Variants in PTPRZ1 observed in about 807,000 individuals in gnomAD.
PTPRZ1 encodes the protein protein tyrosine phosphatase receptor type Z1, also known as receptor-type tyrosine-protein phosphatase zeta.
Under a neutral mutation model 214.1 loss-of-function variants are expected in PTPRZ1, and 82 were observed. The ratio of observed to expected loss-of-function variants is 0.38; its 90% CI spans 0.32 to 0.46. PTPRZ1 has a LOEUF of 0.46. Among genes scored for constraint, PTPRZ1 ranks in the 20% least tolerant of loss-of-function variants. The pLI, the probability that PTPRZ1 is intolerant of heterozygous loss-of-function variation, is 1.00. For synonymous variants in PTPRZ1, 945 were observed against 987.9 expected, an observed-to-expected ratio of 0.96 and a Z score of 0.81; for missense variants, 2,603 against 2,748.7, an observed-to-expected ratio of 0.95 and a Z score of 1.19.
intron 3 of PTPRZ1, among the ~76,000 whole-genome samples, chr7:121,968,633 T>C (rs1563042395): frequency 7.4e-6 from 1 of 134,332 alleles, no homozygotes; most frequent in African/African-American, 2.5e-5. Context: ...ATTGAGCCTA[T>C]CTTTTTTTTT....
At chr7:121,882,874 A>T (rs771547254) in intron 1 of PTPRZ1, among the ~76,000 whole-genome samples, 3 of 152,180 alleles carry the variant, frequency 2.0e-5, no homozygotes, top group Non-Finnish European at 2.9e-5. Context: ...ATCTCACTTG[A>T]TATGAATGTA....
At chr7:121,906,220 T>C (rs1481657247) in intron 1 of PTPRZ1, among the ~76,000 whole-genome samples, 1 of 152,188 alleles carries the variant, frequency 6.6e-6, no homozygotes, top group Admixed American at 6.6e-5. Context: ...GGATCTCTGG[T>C]TGACTAAAGA....
chr7:121,876,987 G>A (rs991515998), intron 1 of PTPRZ1, among the ~76,000 whole-genome samples: 6 of 152,042 alleles, frequency 3.9e-5, no homozygotes, highest in South Asian at 4.1e-4. Context: ...TTTGCTGACC[G>A]TTCAGACTGT....
chr7:122,044,321 G>A, intron 22 of PTPRZ1, 101 bp from the exon 23 acceptor site: 1 of 1,406,710 alleles, frequency 7.1e-7, no homozygotes, highest in South Asian at 1.3e-5. Flanking sequence ...CCCCCATTCT[G>A]TAAAACTCTC....
intron 2 of PTPRZ1, among the ~76,000 whole-genome samples, chr7:121,938,177 T>TAAC (rs755054781): frequency 1.3e-5 from 2 of 152,014 alleles, no homozygotes; most frequent in African/African-American, 2.4e-5. Flanking sequence ...ATAAATGTAA[T>TAAC]AACAACAACA....
At chr7:121,917,628 T>C (rs1390111202) in intron 1 of PTPRZ1, among the ~76,000 whole-genome samples, 3 of 152,148 alleles carry the variant, frequency 2.0e-5, no homozygotes, top group African/African-American at 4.8e-5. Flanking sequence ...TTCAAAATGG[T>C]TTTACACATG....
At chr7:122,059,650 G>A (rs1325893448) in intron 28 of PTPRZ1, 103 bp from the exon 29 acceptor site, 1 of 1,307,328 alleles carries the variant, frequency 7.6e-7, no homozygotes, top group African/African-American at 1.5e-5. Context: ...AAGTTTCAGT[G>A]TTTTCACTGC....
At chr7:121,920,919 CCAAA>C (rs1480073156) in intron 1 of PTPRZ1, among the ~76,000 whole-genome samples, 9 of 151,892 alleles carry the variant, frequency 5.9e-5, no homozygotes, top group Non-Finnish European at 1.3e-4. Context: ...AAATAGGTTA[CCAAA>C]CAGTGTCATT....
chr7:121,928,206 G>A lies in PTPRZ1; in HGVS notation c.109G>A (p.Gly37Ser), dbSNP rs1417963482. Residue 37 changes from glycine (G) to serine (S), a missense_variant, in exon 2 of 30, where the codon GGC (glycine) becomes AGC (serine). By Grantham distance (56) the Gly-to-Ser change is moderately conservative. Coordinates refer to ENST00000393386, the MANE Select transcript of PTPRZ1 (RefSeq NM_002851.3). ...ACAGAGAAAACTTGTTGAAGAGATT[G>A]GCTGGTCCTATACAGGTAAACATAT... Reference protein sequence around the residue: ...RQQRKLVEEIGWSYTGALNQK... With the variant: ...RQQRKLVEEISWSYTGALNQK... 6.2e-7 allele frequency: 1 copy of A among 1,611,132 alleles called. No homozygotes were observed. The highest frequency in any genetic ancestry group is 8.5e-7 in the Non-Finnish European group (1 of 1,177,716).
At chr7:122,028,516 C>A (rs375136413) in intron 13 of PTPRZ1, 36 bp from the exon 14 acceptor site, 294 of 1,413,818 alleles carry the variant, frequency 2.1e-4, no homozygotes, top group Admixed American at 2.7e-4. Flanking sequence ...TTTTCCATAG[C>A]AACTAGTAGT....
chr7:121,875,083 A>G (rs1023994314), intron 1 of PTPRZ1, among the ~76,000 whole-genome samples: 2 of 152,084 alleles, frequency 1.3e-5, no homozygotes, highest in African/African-American at 2.4e-5. Flanking sequence ...TATACAATTC[A>G]TCTTTTTAAA....
chr7:121,873,616 G>T (rs952855270), intron 1 of PTPRZ1, 59 bp downstream of exon 1: 21 of 1,584,424 alleles, frequency 1.3e-5, no homozygotes, highest in Non-Finnish European at 1.7e-5. Context: ...GAGGGTGGGA[G>T]CATTTCAGCG....
intron 11 of PTPRZ1, among the ~76,000 whole-genome samples, chr7:122,007,859 T>C (rs1301512994): frequency 2.0e-5 from 3 of 152,120 alleles, no homozygotes; most frequent in African/African-American, 7.2e-5. Context: ...ATATTTGTAG[T>C]CAGATATGAA....
chr7:121,894,903 A>T (rs17143872), intron 1 of PTPRZ1, among the ~76,000 whole-genome samples: 8,352 of 152,234 alleles, frequency 0.055, 585 homozygotes, highest in African/African-American at 0.16. Flanking sequence ...GGGATTTATA[A>T]CTATGGAAGT....
In PTPRZ1 at chr7:121,935,535, TG is replaced by T. The variant is rs1563025557; in HGVS notation, c.124+7318del. Among the ~76,000 whole-genome samples the T allele has an allele frequency of 4.9e-3, 664 of 136,830 alleles. 5 individuals are homozygous for T. The highest frequency in any genetic ancestry group is 0.018 in the African/African-American group (583 of 33,302). The allele number at this position is 136,830 out of a possible 152,430, so 89.8% of individuals were successfully genotyped here. A position where few individuals can be genotyped will look rare whatever the true frequency, so the allele number is the denominator to read the frequency against. ...TTCGTTTGTTTTTGTTTTTGTTTTT[TG>T]GGGTTTTTTTTGTTTGTTTGTTTGT... On this transcript the variant is annotated intron_variant, in intron 2 of 29. Coordinates refer to ENST00000393386, the MANE Select transcript of PTPRZ1 (RefSeq NM_002851.3).
intron 13 of PTPRZ1, among the ~76,000 whole-genome samples, chr7:122,023,175 T>A (rs1250574229): frequency 6.6e-6 from 1 of 152,082 alleles, no homozygotes; most frequent in Admixed American, 6.6e-5. Flanking sequence ...AGTTTTATAA[T>A]AAATCTGCTA....
At chr7:121,873,797 C>T (rs994116536) in intron 1 of PTPRZ1, among the ~76,000 whole-genome samples, 6 of 152,322 alleles carry the variant, frequency 3.9e-5, no homozygotes, top group Admixed American at 3.9e-4. Context: ...CATTCGTGCC[C>T]CGGGCCCCAG....
At chr7:122,033,614 A>C (rs565455247) in intron 15 of PTPRZ1, among the ~76,000 whole-genome samples, 39 of 152,180 alleles carry the variant, frequency 2.6e-4, no homozygotes, top group Non-Finnish European at 5.4e-4. Context: ...GAAATGATTA[A>C]TGTTTTGATA....
intron 17 of PTPRZ1, 23 bp downstream of exon 17, chr7:122,034,401 T>C: frequency 6.2e-7 from 1 of 1,600,598 alleles, no homozygotes; most frequent in Non-Finnish European, 8.5e-7. Context: ...TTAAATCAGC[T>C]CTGACTTCAA....
Sources: gnomAD v4.1 joint callset for allele counts (sites outside exome capture counted in the v4.1 genomes callset) on GRCh38, gnomAD v4.1.1 for gene constraint, MANE v1.5 for transcripts, NCBI Gene and HGNC (gene_info 2026-07-23, HGNC 2026-07-21) for gene names.